Variants in BCAM observed in about 807,000 individuals in gnomAD.
The protein encoded by BCAM is basal cell adhesion molecule (Lutheran blood group), also known as basal cell adhesion molecule.
In BCAM, 61 loss-of-function variants were observed where a neutral mutation model predicts 72.4. The ratio of observed to expected loss-of-function variants is 0.84; its 90% CI spans 0.69 to 1.04. BCAM has a LOEUF of 1.04. BCAM is among the 50% of genes least tolerant of loss of function. BCAM has a pLI of 0.00. For synonymous variants in BCAM, 408 were observed against 384.2 expected (o/e 1.06, Z -0.73); for missense variants, 909 against 895.0 (o/e 1.02, Z -0.20).
At position 44,818,466 on chromosome 19, in the gene BCAM, C is replaced by A; in HGVS notation, c.1079-56C>A. The A allele has an allele frequency of 1.4e-6, 2 of 1,457,922 alleles. No homozygotes were observed. The highest frequency in any genetic ancestry group is 1.9e-6 in the Non-Finnish European group (2 of 1,046,036). 90.3% of individuals were successfully genotyped at this position (1,457,922 alleles called of 1,614,324 possible). On this transcript the variant is annotated intron_variant, in intron 8 of 14. Transcript: ENST00000270233. The surrounding 1 kb of genome is among the most constrained non-coding windows in gnomAD (Gnocchi z 4.6). ...TGCACCCCCGACCGCCCCTGGAGAGCCCCTAATTGAGTGGGTGGCGGTCTG... is the reference window on the plus strand; with the variant it reads ...TGCACCCCCGACCGCCCCTGGAGAGACCCTAATTGAGTGGGTGGCGGTCTG...
chr19:44,819,219 G>GCCCCCT, intron 11 of BCAM, 27 bp downstream of exon 11: 1 of 1,613,532 alleles, frequency 6.2e-7, no homozygotes, highest in Non-Finnish European at 8.5e-7. Flanking sequence ...TCCACCCTGA[G>GCCCCCT]CCCCCTCTCA....
chr19:44,813,428 T>C lies in BCAM; in HGVS notation c.602-10T>C. Reference sequence around the variant, plus strand: ...CCTGGCTGACTGCCACCTCCCCCGATCTCTCCCAGAGGGCTACATGACCAG... The same window carrying C: ...CCTGGCTGACTGCCACCTCCCCCGACCTCTCCCAGAGGGCTACATGACCAG... On this transcript the variant is annotated splice_polypyrimidine_tract_variant and intron_variant, in intron 5 of 14. Transcript: ENST00000270233. This position sits in a 1 kb window ranked among gnomAD's most constrained non-coding sequence, Gnocchi z 4.2. 6.2e-7 allele frequency: 1 copy of C among 1,608,568 alleles called. No homozygotes were observed. Among genetic ancestry groups the C allele is most frequent in the Admixed American group, 1.7e-5 (1 of 59,890 alleles).
At chr19:44,809,414 G>A (rs1237313270) in intron 1 of BCAM, among the ~76,000 whole-genome samples, 7 of 152,100 alleles carry the variant, frequency 4.6e-5, no homozygotes, top group Non-Finnish European at 1.0e-4. Context: ...CCAGGCGGTG[G>A]ATCAGAGACA....
chr19:44,820,823 G>A lies in BCAM; in HGVS notation c.1881+1G>A. On this transcript the variant is annotated splice_donor_variant, in intron 14 of 14. Coordinates refer to ENST00000270233, the MANE Select transcript of BCAM (RefSeq NM_005581.5). LOFTEE classifies it high-confidence loss of function. ...TGGCAGCGGGGGCTTCGGAGACGAG[G>A]TGGGTGAGGGCCTGGGCCCCCTGGT... 2 of 1,513,862 alleles carry A rather than the reference G, an allele frequency of 1.3e-6. No homozygotes were observed. The highest frequency in any genetic ancestry group is 1.8e-6 in the Non-Finnish European group (2 of 1,129,900). 93.8% of individuals were successfully genotyped at this position (1,513,862 alleles called of 1,614,324 possible).
Position 44,814,085 on chromosome 19 carries a change from T to C in BCAM, c.785-67T>C. 6.6e-7 allele frequency: 1 copy of C among 1,506,824 alleles called. No homozygotes were observed. 93.3% of individuals were successfully genotyped at this position (1,506,824 alleles called of 1,614,324 possible). A position where few individuals can be genotyped will look rare whatever the true frequency, so the allele number is the denominator to read the frequency against. On this transcript the variant is annotated intron_variant, in intron 6 of 14. Coordinates refer to ENST00000270233, the MANE Select transcript of BCAM (RefSeq NM_005581.5). The surrounding 1 kb of genome is among the most constrained non-coding windows in gnomAD (Gnocchi z 4.6). The stretch of plus-strand genomic sequence containing the variant: ...CCTCACCTGGGATGCAGGGCTGACC[T>C]CTCGCCTGTCCTCTAGCCTTGACCC...
At chr19:44,810,713 T>TG (rs1181409866) in intron 1 of BCAM, among the ~76,000 whole-genome samples, 1 of 152,120 alleles carries the variant, frequency 6.6e-6, no homozygotes, top group Non-Finnish European at 1.5e-5. Context: ...GGCCCTGCCC[T>TG]GGGGGGTGGC....
Position 44,814,889 on chromosome 19 carries a change from C to A in BCAM, c.1078+129C>A. ...TGCCTTCAACCCTTTCTCTGCATTT[C>A]TTGGGGGTTTTTTTGGTTGTTTTTT... is the stretch of plus-strand genomic sequence containing the variant. On this transcript the variant is annotated intron_variant, in intron 8 of 14. Coordinates refer to ENST00000270233, the MANE Select transcript of BCAM (RefSeq NM_005581.5). This position sits in a 1 kb window ranked among gnomAD's most constrained non-coding sequence, Gnocchi z 4.6. The A allele has an allele frequency of 1.3e-4, 109 of 831,294 alleles. No homozygotes were observed. The highest frequency in any genetic ancestry group is 1.7e-4 in the Non-Finnish European group (105 of 609,778). 51.5% of individuals were successfully genotyped at this position (831,294 alleles called of 1,614,324 possible). A position where few individuals can be genotyped will look rare whatever the true frequency, so the allele number is the denominator to read the frequency against.
chr19:44,813,139 CG>C lies in BCAM; in HGVS notation c.505-108del. 2 of 1,235,472 alleles carry C rather than the reference CG, an allele frequency of 1.6e-6. No homozygotes were observed. The highest frequency in any genetic ancestry group is 5.3e-4 in the Middle Eastern group (2 of 3,742). The allele number at this position is 1,235,472 out of a possible 1,614,324, so 76.5% of individuals were successfully genotyped here. ...TTGGACTCCTGGGTCCTGGGAGAGT[CG>C]GGAGTTAGGAGCCCGGCTCATGAGT... is the stretch of plus-strand genomic sequence containing the variant. On this transcript the variant is annotated intron_variant, in intron 4 of 14. Coordinates refer to ENST00000270233, the MANE Select transcript of BCAM (RefSeq NM_005581.5). The surrounding 1 kb of genome is among the most constrained non-coding windows in gnomAD (Gnocchi z 4.2).
Position 44,814,214 on chromosome 19 carries a change from G to A in BCAM, c.847G>A (p.Glu283Lys), listed in dbSNP as rs1479970427. ...SPSTPAGWVR[E>K]GDTVQLLCRG... The stretch of plus-strand genomic sequence containing the variant: ...GTCCACCCCAGCAGGCTGGGTACGC[G>A]AGGGTGACACTGTCCAGCTGCTCTG... Residue 283 changes from glutamate (E) to lysine (K), a missense_variant, in exon 7 of 15, where the codon GAG (glutamate) becomes AAG (lysine). Glu to Lys is a moderately conservative substitution (Grantham distance 56). Coordinates refer to ENST00000270233, the MANE Select transcript of BCAM (RefSeq NM_005581.5). This position sits in a 1 kb window ranked among gnomAD's most constrained non-coding sequence, Gnocchi z 4.6. The A allele has an allele frequency of 5.0e-6, 8 of 1,587,066 alleles. No homozygotes were observed. In the South Asian group the frequency reaches 7.9e-5, roughly 16 times the overall value.
Position 44,818,995 on chromosome 19 carries a change from T to C in BCAM, c.1337-61T>C, listed in dbSNP as rs1025126020. On this transcript the variant is annotated intron_variant, in intron 10 of 14. Coordinates refer to ENST00000270233, the MANE Select transcript of BCAM (RefSeq NM_005581.5). This position sits in a 1 kb window ranked among gnomAD's most constrained non-coding sequence, Gnocchi z 4.6. ...GCTGGGGACTCCATCTTCTGCTCGA[T>C]GCCTCTCTTCTCTCTCTCTCTCCTC... 6.2e-7 allele frequency: 1 copy of C among 1,603,998 alleles called. No individual in the cohort carries two copies. The highest frequency in any genetic ancestry group is 1.3e-5 in the African/African-American group (1 of 74,712).
chr19:44,812,288 G>A lies in BCAM; in HGVS notation c.330G>A (p.Leu110=), dbSNP rs1351899811. The change falls in exon 3 of 15, where the codon CTG becomes CTA. Residue 110 remains leucine (L), a synonymous_variant. Coordinates refer to ENST00000270233, the MANE Select transcript of BCAM (RefSeq NM_005581.5). This position sits in a 1 kb window ranked among gnomAD's most constrained non-coding sequence, Gnocchi z 5.3. ...ACCAGCTGGACTCCCAGGGGCGCCTGGTGCTGGCTGAGGCCCAGGTGGGCG... is the reference window on the plus strand; with the variant it reads ...ACCAGCTGGACTCCCAGGGGCGCCTAGTGCTGGCTGAGGCCCAGGTGGGCG... ...PPYQLDSQGR[L]VLAEAQVGDE... is the part of the protein sequence containing the mutation. 6.2e-7 allele frequency: 1 copy of A among 1,611,544 alleles called. No individual in the cohort carries two copies. Among genetic ancestry groups the A allele is most frequent in the East Asian group, 2.2e-5 (1 of 44,822 alleles).
rs28399618 is a variant in BCAM, at chr19:44,814,928, C to T, written c.1078+168C>T. 0.083 allele frequency among the ~76,000 whole-genome samples: 9,561 copies of T among 115,286 alleles called. 771 individuals carry two copies. Among genetic ancestry groups the T allele is most frequent in the African/African-American group, 0.22 (7,300 of 33,056 alleles). 75.6% of individuals were successfully genotyped at this position (115,286 alleles called of 152,430 possible). ...TGGTTGTTTTTTTTTTTTTTTTTTTCCCAGAGACAGGACCTGGCTACGTTG... is the reference window on the plus strand; with the variant it reads ...TGGTTGTTTTTTTTTTTTTTTTTTTTCCAGAGACAGGACCTGGCTACGTTG... On this transcript the variant is annotated intron_variant, in intron 8 of 14. Transcript: ENST00000270233. This position sits in a 1 kb window ranked among gnomAD's most constrained non-coding sequence, Gnocchi z 4.6.
chr19:44,815,012 G>C (rs894178929), intron 8 of BCAM, among the ~76,000 whole-genome samples: 2 of 151,292 alleles, frequency 1.3e-5, no homozygotes, highest in Non-Finnish European at 2.9e-5. Context: ...CAAAGTGCTG[G>C]GATTACAGGA....
At position 44,820,722 on chromosome 19, in the gene BCAM, G is replaced by T; in HGVS notation, c.1781G>T (p.Gly594Val). The T allele has an allele frequency of 6.9e-7, 1 of 1,441,866 alleles. No homozygotes were observed. The highest frequency in any genetic ancestry group is 9.2e-7 in the Non-Finnish European group (1 of 1,091,518). 89.3% of individuals were successfully genotyped at this position (1,441,866 alleles called of 1,614,324 possible). Residue 594 changes from glycine to valine, a missense_variant, in exon 14 of 15, where the codon GGG becomes GTG. Coordinates refer to ENST00000270233, the MANE Select transcript of BCAM (RefSeq NM_005581.5). ...CCCCCCAGGCCGCCAGGGGAGCCAG[G>T]GCTGAGCCACTCGGGGTCGGAGCAA... ...EKGAPPPGEP[G>V]LSHSGSEQPE...
Position 44,818,599 on chromosome 19 carries a change from G to T in BCAM, c.1156G>T (p.Val386Leu). The T allele has an allele frequency of 6.2e-7, 1 of 1,614,024 alleles. No individual in the cohort carries two copies. Among genetic ancestry groups the T allele is most frequent in the Non-Finnish European group, 8.5e-7 (1 of 1,179,960 alleles). ...LNSSAVVNCS[V>L]HGLPTPALRW... ...CAGCAGTGCAGTCGTGAACTGCTCC[G>T]TGCACGGCCTGCCCACCCCTGCCCT... Residue 386 changes from valine to leucine, a missense_variant, in exon 9 of 15, where the codon GTG becomes TTG. Physicochemically the swap from Val to Leu is conservative, Grantham distance 32. Transcript: ENST00000270233. This position sits in a 1 kb window ranked among gnomAD's most constrained non-coding sequence, Gnocchi z 4.6.
intron 13 of BCAM, 184 bp downstream of exon 13, chr19:44,819,910 C>T (rs1968561137): frequency 1.5e-6 from 2 of 1,372,000 alleles, no homozygotes; most frequent in East Asian, 2.6e-5. Flanking sequence ...GACTAATCCA[C>T]AGCCATCCCC....
At position 44,820,839 on chromosome 19, in the gene BCAM, GC is replaced by G. The variant is rs1568575590; in HGVS notation, c.1881+22del. 2.0e-6 allele frequency: 3 copies of G among 1,521,408 alleles called. No individual in the cohort carries two copies. The highest frequency in any genetic ancestry group is 2.6e-6 in the Non-Finnish European group (3 of 1,134,404). 94.2% of individuals were successfully genotyped at this position (1,521,408 alleles called of 1,614,324 possible). On this transcript the variant is annotated intron_variant, in intron 14 of 14. Transcript: ENST00000270233. ...GGAGACGAGGTGGGTGAGGGCCTGG[GC>G]CCCCTGGTGAGAGGGACCTGCTGGG...
rs1968590590 is a variant in BCAM, at chr19:44,821,344, C to A, written c.*423C>A. ...CCCCGCCCCTGGTCCCACTCCTGCC[C>A]CCGCCCTACCTCCGCCCCACCCCAT... On this transcript the variant is annotated 3_prime_UTR_variant, in exon 15 of 15. Transcript: ENST00000270233. 1 of 176,236 alleles carries A rather than the reference C, an allele frequency of 5.7e-6. No individual in the cohort carries two copies. The highest frequency in any genetic ancestry group is 1.2e-5 in the Non-Finnish European group (1 of 85,784). The allele number at this position is 176,236 out of a possible 1,614,324, so 10.9% of individuals were successfully genotyped here. A position where few individuals can be genotyped will look rare whatever the true frequency, so the allele number is the denominator to read the frequency against.
chr19:44,819,098 A>G lies in BCAM; in HGVS notation c.1379A>G (p.Asp460Gly). The G allele has an allele frequency of 1.2e-6, 2 of 1,614,084 alleles. No homozygotes were observed. Among genetic ancestry groups the G allele is most frequent in the Non-Finnish European group, 1.7e-6 (2 of 1,179,992 alleles). ...ACAGCGGAAATAGAGCCCAAGGCAG[A>G]TGGCAGCTGGAGGGAAGGAGACGAA... Reference protein sequence around the residue: ...LKTAEIEPKADGSWREGDEVT... With the variant: ...LKTAEIEPKAGGSWREGDEVT... The change falls in exon 11 of 15, where the codon GAT becomes GGT. Residue 460 changes from aspartate (D) to glycine (G), a missense_variant. Coordinates refer to ENST00000270233, the MANE Select transcript of BCAM (RefSeq NM_005581.5).
Sources: allele counts gnomAD v4.1 joint callset (sites outside exome capture counted in the v4.1 genomes callset), GRCh38; gene constraint gnomAD v4.1.1; non-coding constraint Gnocchi (gnomAD v3.1); transcripts MANE v1.5; gene names NCBI Gene and HGNC (gene_info 2026-07-23, HGNC 2026-07-21).